Variants in GRB10 observed in about 807,000 individuals in gnomAD.
GRB10 encodes the protein growth factor receptor-bound protein 10.
In GRB10, 20 loss-of-function variants were observed where a neutral mutation model predicts 80.9. That is an observed-to-expected ratio of 0.25 (90% CI 0.17 to 0.36). GRB10 has a LOEUF of 0.36. Ranked by LOEUF, GRB10 falls within the 10% of genes least tolerant of loss-of-function variation. GRB10 has a pLI of 1.00. For missense variants in GRB10, 548 were observed against 747.7 expected (o/e 0.73, Z 3.12); for synonymous variants, 291 against 291.5 (o/e 1.00, Z 0.02).
At chr7:50,645,215 T>C (rs1037851707) in intron 7 of GRB10, among the ~76,000 whole-genome samples, 2 of 152,210 alleles carry the variant, frequency 1.3e-5, no homozygotes, top group African/African-American at 4.8e-5. Flanking sequence ...ATTCATTTTT[T>C]AAAAAGCAAG....
intron 2 of GRB10, among the ~76,000 whole-genome samples, chr7:50,775,182 A>AAAAAAAAAAAAAAAAGTGG (rs1320410739): frequency 6.7e-6 from 1 of 149,130 alleles, no homozygotes; most frequent in Non-Finnish European, 1.5e-5. Flanking sequence ...AACAAAAAAA[A>AAAAAAAAAAAAAAAAGTGG]ACAGTGGAAC....
intron 17 of GRB10, among the ~76,000 whole-genome samples, chr7:50,603,644 C>A (rs780544777): frequency 2.0e-5 from 3 of 152,218 alleles, no homozygotes; most frequent in Non-Finnish European, 4.4e-5. Context: ...TCAGCAAAAC[C>A]AACCTCATGT....
intron 10 of GRB10, 23 bp downstream of exon 10, chr7:50,618,048 A>C: frequency 6.3e-7 from 1 of 1,580,370 alleles, no homozygotes; most frequent in Non-Finnish European, 8.7e-7. Context: ...CTATTTCAGC[A>C]GAGATCTATT....
chr7:50,656,150 T>C (rs1013662817), intron 7 of GRB10, among the ~76,000 whole-genome samples: 2 of 152,218 alleles, frequency 1.3e-5, no homozygotes, highest in African/African-American at 4.8e-5. Context: ...CGTTATTTCC[T>C]GACTGTGTCC....
intron 5 of GRB10, among the ~76,000 whole-genome samples, chr7:50,687,636 CCTT>C (rs1193271668): frequency 3.9e-5 from 6 of 152,230 alleles, no homozygotes; most frequent in African/African-American, 1.4e-4. Context: ...CATGTCACTA[CCTT>C]CTTCTCTGCT....
chr7:50,777,458 A>ACACACC (rs1007957773), intron 2 of GRB10, among the ~76,000 whole-genome samples: 2 of 150,146 alleles, frequency 1.3e-5, no homozygotes, highest in African/African-American at 4.9e-5. Flanking sequence ...ACACACACAC[A>ACACACC]CCATTGCACA....
intron 4 of GRB10, among the ~76,000 whole-genome samples, chr7:50,704,523 T>C (rs1463676849): frequency 6.6e-6 from 1 of 152,208 alleles, no homozygotes; most frequent in Non-Finnish European, 1.5e-5. Flanking sequence ...AGTGACTAAC[T>C]TGGGGTAGAG....
In GRB10 at chr7:50,612,771, C is replaced by G. The variant is rs777948946; in HGVS notation, c.1164G>C (p.Thr388=). ...GGAGTCTGAACGCTGTCATCCAGCA[C>G]GTCCTGGTTTGCTCGTCCTCTGCAC... ...LLCAEDEQTR[T]CWMTAFRLLK... is the part of the protein sequence containing the mutation. The change falls in exon 13 of 19, where the codon ACG becomes ACC. Residue 388 remains threonine (T), a synonymous_variant. Coordinates refer to ENST00000401949, the MANE Select transcript of GRB10 (RefSeq NM_001350814.2). 1 of 1,613,884 alleles carries G rather than the reference C, an allele frequency of 6.2e-7. No homozygotes were observed. The highest frequency in any genetic ancestry group is 8.5e-7 in the Non-Finnish European group (1 of 1,179,862).
At chr7:50,787,205 A>C (rs1279170086), upstream of GRB10, among the ~76,000 whole-genome samples, 1 of 152,106 alleles carries the variant, frequency 6.6e-6, no homozygotes. Flanking sequence ...GACAAAGGGC[A>C]TCATCCTCAC....
chr7:50,706,178 G>T (rs1312979826), intron 4 of GRB10, among the ~76,000 whole-genome samples: 4 of 152,208 alleles, frequency 2.6e-5, no homozygotes, highest in Admixed American at 6.5e-5. Context: ...TTGCACCTTT[G>T]TTGTACACAA....
intron 7 of GRB10, among the ~76,000 whole-genome samples, chr7:50,659,225 G>A (rs2058971442): frequency 6.6e-6 from 1 of 152,154 alleles, no homozygotes. Context: ...GAAAACGATA[G>A]ACGATGCCAA....
intron 8 of GRB10, among the ~76,000 whole-genome samples, chr7:50,624,163 C>T (rs2052431318): frequency 6.6e-6 from 1 of 152,302 alleles, no homozygotes; most frequent in South Asian, 2.1e-4. Context: ...CTGCCTTTTG[C>T]CCCAGCCACC....
intron 7 of GRB10, 36 bp downstream of exon 7, chr7:50,669,686 T>C (rs369820741): frequency 6.2e-7 from 1 of 1,601,160 alleles, no homozygotes; most frequent in African/African-American, 1.3e-5. Context: ...ATCTGGCATA[T>C]CCCTCAGCCT....
At position 50,646,845 on chromosome 7, in the gene GRB10, T is replaced by C. The variant is rs528314039; in HGVS notation, c.505-19867A>G. 2.6e-5 allele frequency among the ~76,000 whole-genome samples: 4 copies of C among 152,284 alleles called. No individual in the cohort carries two copies. The South Asian group carries it at 8.3e-4, about 32-fold the overall frequency. On this transcript the variant is annotated intron_variant, in intron 7 of 18. Transcript: ENST00000401949. ...TAATGATTCAACAACCAATCCTCCA[T>C]CTCATCTACTGAGACTTAACCAGCC...
chr7:50,688,482 CAA>C (rs1160426346), intron 5 of GRB10, among the ~76,000 whole-genome samples: 2 of 152,078 alleles, frequency 1.3e-5, no homozygotes, highest in African/African-American at 4.8e-5. Flanking sequence ...CTTAAACACT[CAA>C]AAGAGGTTAA....
intron 4 of GRB10, chr7:50,727,907 T>A (rs2068911523): frequency 6.6e-6 from 1 of 152,170 alleles, no homozygotes; most frequent in African/African-American, 2.4e-5. Flanking sequence ...ACAGAAGAAA[T>A]GTGGAGAATT....
chr7:50,677,211 C>T (rs17546879), intron 5 of GRB10, among the ~76,000 whole-genome samples: 11,765 of 152,156 alleles, frequency 0.077, 695 homozygotes, highest in South Asian at 0.12. Flanking sequence ...TAATCCTGGC[C>T]AGATATTAAA....
At chr7:50,609,689 C>T (rs2049166334) in intron 13 of GRB10, among the ~76,000 whole-genome samples, 1 of 152,154 alleles carries the variant, frequency 6.6e-6, no homozygotes, top group African/African-American at 2.4e-5. Context: ...TGAGTTTCTA[C>T]AGTAGATTAA....
intron 2 of GRB10, among the ~76,000 whole-genome samples, chr7:50,766,357 C>A (rs2076337239): frequency 6.6e-6 from 1 of 152,152 alleles, no homozygotes; most frequent in Non-Finnish European, 1.5e-5. Flanking sequence ...ACTGCACAGG[C>A]CCTTTTCTAT....
Sources: allele counts gnomAD v4.1 joint callset (sites outside exome capture counted in the v4.1 genomes callset), GRCh38; gene constraint gnomAD v4.1.1; transcripts MANE v1.5; gene names NCBI Gene and HGNC (gene_info 2026-07-23, HGNC 2026-07-21).